IPO11: variants seen among roughly 807,000 people sequenced by gnomAD.
The protein encoded by IPO11 is importin 11.
In IPO11, 66 loss-of-function variants were observed where a neutral mutation model predicts 143.2. The ratio of observed to expected loss-of-function variants is 0.46; its 90% CI spans 0.38 to 0.57. The LOEUF is 0.57. Ranked by LOEUF, IPO11 falls within the 20% of genes least tolerant of loss-of-function variation. The pLI is 0.00. For missense variants in IPO11, 1,026 were observed against 1,141.0 expected (o/e 0.90, Z 1.45); for synonymous variants, 385 against 377.8 (o/e 1.02, Z -0.22).
intron 21 of IPO11, among the ~76,000 whole-genome samples, chr5:62,529,018 T>A (rs1475043741): frequency 6.6e-6 from 1 of 152,206 alleles, no homozygotes; most frequent in African/African-American, 2.4e-5. Context: ...TTGTTGTATA[T>A]CTGTTTCCTA....
chr5:62,467,275 C>CCTGAAATGAACA lies in IPO11; in HGVS notation c.649+12_649+13insCTGAAATGAACA. ...GCTATCATTGAAAGGTACTATTAAG[C>CCTGAAATGAACA]TTGATATGTTCATTTTTGAAATGAG... On this transcript the variant is annotated intron_variant, in intron 6 of 29. Coordinates refer to ENST00000325324, the MANE Select transcript of IPO11 (RefSeq NM_016338.5). 6.2e-7 allele frequency: 1 copy of CCTGAAATGAACA among 1,603,580 alleles called. No individual in the cohort carries two copies. The highest frequency in any genetic ancestry group is 8.5e-7 in the Non-Finnish European group (1 of 1,176,080).
At chr5:62,446,563 C>G (rs1744727857) in intron 3 of IPO11, among the ~76,000 whole-genome samples, 1 of 152,214 alleles carries the variant, frequency 6.6e-6, no homozygotes, top group South Asian at 2.1e-4. Flanking sequence ...TTGGGATATC[C>G]TCTATTGTGA....
At chr5:62,450,406 G>A (rs1296634791) in intron 4 of IPO11, among the ~76,000 whole-genome samples, 1 of 152,126 alleles carries the variant, frequency 6.6e-6, no homozygotes, top group Non-Finnish European at 1.5e-5. Context: ...TAATATTGTA[G>A]TGCAATGAAT....
chr5:62,530,912 T>C, intron 22 of IPO11, 127 bp downstream of exon 22: 1 of 687,034 alleles, frequency 1.5e-6, no homozygotes, highest in South Asian at 1.7e-5. Flanking sequence ...TCAGGGGATA[T>C]ATGTACACGT....
At position 62,601,839 on chromosome 5, in the gene IPO11, GA is replaced by G; in HGVS notation, c.2759del (p.Lys920ArgfsTer5). 1 of 1,577,470 alleles carries G rather than the reference GA, an allele frequency of 6.3e-7. No homozygotes were observed. Among genetic ancestry groups the G allele is most frequent in the Non-Finnish European group, 8.6e-7 (1 of 1,161,676 alleles). ...AACCACCCACAGAACAAGATAAGAG[GA>G]AAAAGATGGTAAGTTATAAAAGTAG... Reference protein sequence around the residue: ...EEPPTEQDKRKKMLALKDPVH... With the variant: ...EEPPTEQDKRXKMLALKDPVH... On this transcript the variant is annotated frameshift_variant, in exon 29 of 30. Coordinates refer to ENST00000325324, the MANE Select transcript of IPO11 (RefSeq NM_016338.5). LOFTEE classifies it high-confidence loss of function.
rs1393978210 is a variant in IPO11 at position 62,444,710 on chromosome 5, A to T, written c.239+1627A>T. 3.9e-5 allele frequency among the ~76,000 whole-genome samples: 6 copies of T among 152,076 alleles called. No individual in the cohort carries two copies. The East Asian group carries it at 1.2e-3, about 30-fold the overall frequency. On this transcript the variant is annotated intron_variant, in intron 3 of 29. Transcript: ENST00000325324. ...ATGGCGAAACCCCACCTCTTCTAAA[A>T]ATACAAAAATTAGCCAGGTGTGGTG...
At chr5:62,534,883 G>A (rs1742681673) in intron 22 of IPO11, among the ~76,000 whole-genome samples, 1 of 152,066 alleles carries the variant, frequency 6.6e-6, no homozygotes, top group African/African-American at 2.4e-5. Flanking sequence ...TTGCATGATT[G>A]AAGTATAACT....
intron 27 of IPO11, among the ~76,000 whole-genome samples, chr5:62,585,252 T>G (rs1359286333): frequency 6.6e-6 from 1 of 152,216 alleles, no homozygotes; most frequent in Non-Finnish European, 1.5e-5. Flanking sequence ...TAGTGCAGTT[T>G]CCTCAAGCTT....
chr5:62,601,774 A>G lies in IPO11; in HGVS notation c.2689A>G (p.Met897Val). The G allele has an allele frequency of 6.4e-7, 1 of 1,574,464 alleles. No individual in the cohort carries two copies. The highest frequency in any genetic ancestry group is 8.6e-7 in the Non-Finnish European group (1 of 1,158,100). ...AAAAAATTATTATAGCTGTATGTTG[A>G]TGTCTCATCTTGAGGAACCAAAAGT... is the stretch of plus-strand genomic sequence containing the variant. ...ETGTYKDCMLMSHLEEPKVTE... is the reference protein window; with the variant it reads ...ETGTYKDCMLVSHLEEPKVTE... Residue 897 changes from methionine (M) to valine (V), a missense_variant, in exon 29 of 30, where the codon ATG becomes GTG. Around this residue, in one of 5 missense-constraint regions of IPO11, gnomAD observed 351 missense variants for 358.9 expected, o/e 0.98. Transcript: ENST00000325324.
intron 3 of IPO11, among the ~76,000 whole-genome samples, chr5:62,447,315 G>A (rs143846246): frequency 1.3e-5 from 2 of 152,130 alleles, no homozygotes; most frequent in East Asian, 1.9e-4. Context: ...ATGTTGCCCA[G>A]GCTAGTCTTG....
intron 16 of IPO11, among the ~76,000 whole-genome samples, chr5:62,496,945 A>G (rs1741178770): frequency 2.0e-5 from 3 of 152,194 alleles, no homozygotes; most frequent in African/African-American, 7.2e-5. Context: ...CTGATGTTAT[A>G]AAATTTGTGA....
intron 29 of IPO11, among the ~76,000 whole-genome samples, chr5:62,610,317 A>T (rs1745881891): frequency 6.6e-6 from 1 of 152,196 alleles, no homozygotes. Context: ...GCACAAGATG[A>T]TCTTTACAAA....
At chr5:62,423,937 A>G (rs1743606415) in intron 1 of IPO11, among the ~76,000 whole-genome samples, 3 of 152,094 alleles carry the variant, frequency 2.0e-5, no homozygotes, top group Admixed American at 1.3e-4. Context: ...GCAGTTTAAC[A>G]GTTTGCTTGT....
intron 29 of IPO11, among the ~76,000 whole-genome samples, chr5:62,602,743 T>C (rs1745552851): frequency 6.6e-6 from 1 of 152,202 alleles, no homozygotes. Flanking sequence ...ATTTAACTCA[T>C]TTTACTTTGC....
chr5:62,549,063 A>G (rs914438176), intron 24 of IPO11, among the ~76,000 whole-genome samples: 1 of 150,144 alleles, frequency 6.7e-6, no homozygotes, highest in Non-Finnish European at 1.5e-5. Context: ...TTCCATGTTT[A>G]TCTTTTTTCC....
intron 1 of IPO11, among the ~76,000 whole-genome samples, chr5:62,428,485 A>C (rs1202201919): frequency 1.3e-5 from 2 of 152,004 alleles, no homozygotes; most frequent in East Asian, 3.9e-4. Context: ...CTAGGATTAC[A>C]GATGCACGCC....
intron 2 of IPO11, among the ~76,000 whole-genome samples, chr5:62,439,258 C>T (rs1042747633): frequency 6.7e-6 from 1 of 149,504 alleles, no homozygotes. Flanking sequence ...AATAACTATA[C>T]CTTATTAATA....
chr5:62,483,699 A>G (rs1746295858), intron 10 of IPO11, among the ~76,000 whole-genome samples: 1 of 152,176 alleles, frequency 6.6e-6, no homozygotes. Flanking sequence ...ATGAATGAAG[A>G]AGTCTTGGTG....
intron 1 of IPO11, among the ~76,000 whole-genome samples, chr5:62,430,348 G>T (rs1743936114): frequency 1.3e-5 from 2 of 152,132 alleles, no homozygotes; most frequent in Non-Finnish European, 2.9e-5. Flanking sequence ...CTTTTAAAAA[G>T]CTGGACACCA....
Sources: gnomAD v4.1 joint callset for allele counts (sites outside exome capture counted in the v4.1 genomes callset) on GRCh38, gnomAD v4.1.1 for gene constraint, gnomAD v4.1.1 regional missense constraint, MANE v1.5 for transcripts, NCBI Gene and HGNC (gene_info 2026-07-23, HGNC 2026-07-21) for gene names.